Variants in PRKN observed in about 807,000 individuals in gnomAD.
The protein encoded by PRKN is parkin RBR E3 ubiquitin protein ligase, also known as E3 ubiquitin-protein ligase parkin.
PRKN carries 56 observed loss-of-function variants against 59.5 expected under a neutral mutation model. The ratio of observed to expected loss-of-function variants is 0.94; its 90% CI spans 0.76 to 1.18. PRKN has a LOEUF of 1.18. Among genes scored for constraint, PRKN ranks in the 50% most tolerant of loss-of-function variants. PRKN has a pLI of 0.00. For synonymous variants in PRKN, 250 were observed against 222.1 expected (o/e 1.13, Z -1.12); for missense variants, 657 against 596.4 (o/e 1.10, Z -1.06).
At chr6:161,513,271 C>T (rs560054190) in intron 9 of PRKN, among the ~76,000 whole-genome samples, 32 of 152,136 alleles carry the variant, frequency 2.1e-4, no homozygotes, top group Admixed American at 3.9e-4. Flanking sequence ...GATGGGGTCT[C>T]GCTCTGTCAC....
chr6:161,557,848 A>T (rs978576798), intron 8 of PRKN, among the ~76,000 whole-genome samples: 1 of 152,126 alleles, frequency 6.6e-6, no homozygotes, highest in Non-Finnish European at 1.5e-5. Context: ...TTGTGCTGTC[A>T]TAGTGTTTCC....
At chr6:161,717,690 TG>T (rs1208634045) in intron 7 of PRKN, among the ~76,000 whole-genome samples, 1 of 152,226 alleles carries the variant, frequency 6.6e-6, no homozygotes, top group African/African-American at 2.4e-5. Context: ...ATCTCACATT[TG>T]AATTATACTT....
At chr6:162,577,093 TTAAAAGA>T (rs1780588298) in intron 1 of PRKN, among the ~76,000 whole-genome samples, 3 of 151,860 alleles carry the variant, frequency 2.0e-5, no homozygotes, top group South Asian at 4.1e-4. Flanking sequence ...CATATGCAAA[TTAAAAGA>T]TAAGTGAGTA....
chr6:161,652,144 G>T (rs1784172535), intron 7 of PRKN, among the ~76,000 whole-genome samples: 1 of 152,224 alleles, frequency 6.6e-6, no homozygotes, highest in African/African-American at 2.4e-5. Flanking sequence ...GCAGACATCT[G>T]CCCAAAAGCA....
chr6:161,476,442 A>G (rs905709930), intron 9 of PRKN, among the ~76,000 whole-genome samples: 1 of 152,172 alleles, frequency 6.6e-6, no homozygotes, highest in Non-Finnish European at 1.5e-5. Flanking sequence ...ATTGGGATAC[A>G]TTTTCAAAGA....
chr6:162,656,415 T>G (rs1472592763), intron 1 of PRKN, among the ~76,000 whole-genome samples: 1 of 152,166 alleles, frequency 6.6e-6, no homozygotes, highest in East Asian at 1.9e-4. Flanking sequence ...GATCTCATCT[T>G]CTCCCAGAAA....
chr6:161,966,841 G>GTTTT (rs1268918763), intron 6 of PRKN, among the ~76,000 whole-genome samples: 1 of 152,152 alleles, frequency 6.6e-6, no homozygotes, highest in African/African-American at 2.4e-5. Context: ...TTGTTTGTTT[G>GTTTT]TTTGTTTTGA....
chr6:161,555,425 A>T (rs200849042), intron 8 of PRKN, among the ~76,000 whole-genome samples: 1 of 54,352 alleles, frequency 1.8e-5, no homozygotes, highest in Non-Finnish European at 4.1e-5. Context: ...GCTGTTGCTC[A>T]GTTTTACATG....
At position 162,579,252 on chromosome 6, in the gene PRKN, G is replaced by T. The variant is rs541461647; in HGVS notation, c.8-135779C>A. Among the ~76,000 whole-genome samples the T allele has an allele frequency of 1.2e-4, 19 of 152,226 alleles. No individual in the cohort carries two copies. In the East Asian group the frequency reaches 2.1e-3, roughly 17 times the overall value. On this transcript the variant is annotated intron_variant, in intron 1 of 11. Transcript: ENST00000366898. The stretch of plus-strand genomic sequence containing the variant: ...TTAAACATGCTGATTCCTCTACTTA[G>T]AATGACTTTTCAAATCTTTTATCTT...
chr6:161,534,431 T>C (rs1423590026), intron 9 of PRKN, among the ~76,000 whole-genome samples: 1 of 152,132 alleles, frequency 6.6e-6, no homozygotes, highest in Non-Finnish European at 1.5e-5. Flanking sequence ...CAAAAATGAA[T>C]AGAAGGCAGC....
chr6:162,668,694 A>C (rs1584015781), intron 1 of PRKN, among the ~76,000 whole-genome samples: 1 of 152,204 alleles, frequency 6.6e-6, no homozygotes, highest in Non-Finnish European at 1.5e-5. Flanking sequence ...GGATGTGATG[A>C]ACAGCACTCA....
chr6:162,450,416 A>ACCCCTGTGAATGTAAACG (rs1790568606), intron 1 of PRKN, among the ~76,000 whole-genome samples: 19 of 121,426 alleles, frequency 1.6e-4, no homozygotes, highest in African/African-American at 8.8e-4. Flanking sequence ...TGATTGTAAC[A>ACCCCTGTGAATGTAAACG]CCCCTGTGAT....
intron 5 of PRKN, among the ~76,000 whole-genome samples, chr6:161,993,193 CA>C (rs1450431326): frequency 6.6e-6 from 1 of 151,864 alleles, no homozygotes; most frequent in African/African-American, 2.4e-5. Context: ...AGATAAAAAT[CA>C]CAAACTACTA....
At position 162,591,785 on chromosome 6, in the gene PRKN, ATAAG is replaced by A. The variant is rs371863037; in HGVS notation, c.7+135873_7+135876del. On this transcript the variant is annotated intron_variant, in intron 1 of 11. Coordinates refer to ENST00000366898, the MANE Select transcript of PRKN (RefSeq NM_004562.3). Reference sequence around the variant, plus strand: ...TTGACAATTATACAGCAAGTGTGAAATAAGTAAGTAATAATAATCCTTTGTAATA... The same window carrying A: ...TTGACAATTATACAGCAAGTGTGAAATAAGTAATAATAATCCTTTGTAATA... Among the ~76,000 whole-genome samples, 357 of 152,276 alleles carry A rather than the reference ATAAG, an allele frequency of 2.3e-3. 1 individual carries two copies. The highest frequency in any genetic ancestry group is 7.8e-3 in the African/African-American group (325 of 41,552).
At chr6:162,496,223 C>T (rs1028997574) in intron 1 of PRKN, among the ~76,000 whole-genome samples, 2 of 150,772 alleles carry the variant, frequency 1.3e-5, no homozygotes, top group Admixed American at 1.3e-4. Flanking sequence ...GGCAATAGAG[C>T]GAGACTCAGT....
At chr6:161,753,520 G>A (rs749756223) in intron 7 of PRKN, among the ~76,000 whole-genome samples, 20 of 152,324 alleles carry the variant, frequency 1.3e-4, no homozygotes, top group Middle Eastern at 3.4e-3. Flanking sequence ...AAAATTCTGC[G>A]GAGGGGGATA....
intron 6 of PRKN, among the ~76,000 whole-genome samples, chr6:161,816,791 C>T (rs528463996): frequency 2.6e-5 from 4 of 152,086 alleles, no homozygotes; most frequent in African/African-American, 9.6e-5. Context: ...TATTGAGCAA[C>T]GTGTAAAAGG....
Position 162,552,786 on chromosome 6 carries a change from C to T in PRKN, c.8-109313G>A, listed in dbSNP as rs1360774520. Among the ~76,000 whole-genome samples, 6 of 152,026 alleles carry T rather than the reference C, an allele frequency of 3.9e-5. No individual in the cohort carries two copies. In the East Asian group the frequency reaches 7.8e-4, roughly 20 times the overall value. ...TAACTCAAGGAGAAGATAGAGAGGA[C>T]GTGGGGCCAAGCTCTGAGGACCTTC... On this transcript the variant is annotated intron_variant, in intron 1 of 11. Coordinates refer to ENST00000366898, the MANE Select transcript of PRKN (RefSeq NM_004562.3).
intron 2 of PRKN, among the ~76,000 whole-genome samples, chr6:162,411,631 A>G (rs975538785): frequency 1.3e-5 from 2 of 152,204 alleles, no homozygotes; most frequent in Non-Finnish European, 2.9e-5. Flanking sequence ...TTGGCAATGA[A>G]AAATACACAA....
Sources: allele counts gnomAD v4.1 joint callset (sites outside exome capture counted in the v4.1 genomes callset), GRCh38; gene constraint gnomAD v4.1.1; transcripts MANE v1.5; gene names NCBI Gene and HGNC (gene_info 2026-07-23, HGNC 2026-07-21).